RAB11FIP2: variants seen among roughly 807,000 people sequenced by gnomAD.
The protein encoded by RAB11FIP2 is rab11 family-interacting protein 2.
Under a neutral mutation model 40.9 loss-of-function variants are expected in RAB11FIP2, and 16 were observed. That is an observed-to-expected ratio of 0.39 (90% CI 0.26 to 0.59). The LOEUF is 0.59. Among genes scored for constraint, RAB11FIP2 ranks in the 20% least tolerant of loss-of-function variants. The pLI is 0.53. For synonymous variants in RAB11FIP2, 228 were observed against 213.7 expected (o/e 1.07, Z -0.58); for missense variants, 532 against 606.2 (o/e 0.88, Z 1.28).
intron 3 of RAB11FIP2, among the ~76,000 whole-genome samples, chr10:118,026,818 A>G (rs780826389): frequency 2.6e-5 from 4 of 152,216 alleles, no homozygotes; most frequent in Non-Finnish European, 5.9e-5. Context: ...CTTAATACAG[A>G]GAATACTTTT....
rs905639879 is a variant in RAB11FIP2, at chr10:118,005,831, G to C, written c.*3167C>G. The C allele has an allele frequency of 6.6e-6, 1 of 152,382 alleles. No homozygotes were observed. The highest frequency in any genetic ancestry group is 2.1e-4 in the South Asian group (1 of 4,826). 9.4% of individuals were successfully genotyped at this position (152,382 alleles called of 1,614,324 possible). On this transcript the variant is annotated 3_prime_UTR_variant, in exon 5 of 5. Coordinates refer to ENST00000355624, the MANE Select transcript of RAB11FIP2 (RefSeq NM_014904.3). ...GGTAGGCAGGGAGGCGTGGTGGTGA[G>C]GGAGTTGCTGGAGGAATAACAAGAA...
chr10:118,036,097 A>G (rs1237601010), intron 3 of RAB11FIP2, among the ~76,000 whole-genome samples: 4 of 152,136 alleles, frequency 2.6e-5, no homozygotes, highest in Non-Finnish European at 5.9e-5. Flanking sequence ...GTGCCTTAGT[A>G]CATTTTAAAA....
rs1405927478 is a variant in RAB11FIP2, at chr10:118,006,103, G to T, written c.*2895C>A. The T allele has an allele frequency of 6.6e-6, 1 of 152,504 alleles. No individual in the cohort carries two copies. Among genetic ancestry groups the T allele is most frequent in the African/African-American group, 2.4e-5 (1 of 41,398 alleles). The allele number at this position is 152,504 out of a possible 1,614,324, so 9.4% of individuals were successfully genotyped here. A position where few individuals can be genotyped will look rare whatever the true frequency, so the allele number is the denominator to read the frequency against. ...ACTTAAAAACGTTTTTCATGAATGG[G>T]TTACATGTTGTTTTATATACAATTC... On this transcript the variant is annotated 3_prime_UTR_variant, in exon 5 of 5. Transcript: ENST00000355624.
intron 3 of RAB11FIP2, among the ~76,000 whole-genome samples, chr10:118,033,470 ACTT>A (rs1355092648): frequency 1.3e-5 from 2 of 152,088 alleles, no homozygotes; most frequent in East Asian, 3.9e-4. Context: ...TATAGTAATT[ACTT>A]CTTCTATATC....
chr10:118,024,028 T>C (rs1209814494), intron 3 of RAB11FIP2, among the ~76,000 whole-genome samples: 4 of 150,094 alleles, frequency 2.7e-5, no homozygotes, highest in Admixed American at 1.3e-4. Flanking sequence ...AGACGGAGGC[T>C]GCAGTGAGCT....
At position 118,046,199 on chromosome 10, in the gene RAB11FIP2, C is replaced by T. The variant is rs1589650789; in HGVS notation, c.-36G>A. On this transcript the variant is annotated 5_prime_UTR_variant, in exon 1 of 5. The change creates a new upstream start codon in the 5' untranslated region. Transcript: ENST00000355624. Reference sequence around the variant, plus strand: ...TTCTCTGCCCCCGAGTTCCCTAGCACAGGCAGTGCCCCTCCCGGAGGGAGA... The same window carrying T: ...TTCTCTGCCCCCGAGTTCCCTAGCATAGGCAGTGCCCCTCCCGGAGGGAGA... 5 of 1,557,332 alleles carry T rather than the reference C, an allele frequency of 3.2e-6. No homozygotes were observed. The highest frequency in any genetic ancestry group is 3.4e-5 in the Admixed American group (2 of 58,430).
In RAB11FIP2 at chr10:118,046,927, T is replaced by A. The variant is rs910353253; in HGVS notation, c.-764A>T. The A allele has an allele frequency of 6.5e-6, 1 of 153,076 alleles. No homozygotes were observed. Among genetic ancestry groups the A allele is most frequent in the African/African-American group, 2.4e-5 (1 of 41,418 alleles). The allele number at this position is 153,076 out of a possible 1,614,324, so 9.5% of individuals were successfully genotyped here. ...ACTTCCGGGTTGGCCTTCTCCATGT[T>A]GGTCTCGGGAACGTGAAGGGGCGGG... On this transcript the variant is annotated 5_prime_UTR_variant, in exon 1 of 5. Transcript: ENST00000355624.
chr10:118,036,797 A>C (rs1388316096), intron 3 of RAB11FIP2, among the ~76,000 whole-genome samples: 1 of 152,124 alleles, frequency 6.6e-6, no homozygotes, highest in Non-Finnish European at 1.5e-5. Flanking sequence ...TTCATACATC[A>C]TAAAACAGCT....
intron 1 of RAB11FIP2, among the ~76,000 whole-genome samples, chr10:118,041,813 CT>C (rs1377874132): frequency 6.6e-6 from 1 of 152,092 alleles, no homozygotes; most frequent in Non-Finnish European, 1.5e-5. Context: ...TCTTGATTAA[CT>C]AAATTGGAGC....
rs1051976106 is a variant in RAB11FIP2 at position 118,005,750 on chromosome 10, T to C, written c.*3248A>G. On this transcript the variant is annotated 3_prime_UTR_variant, in exon 5 of 5. Coordinates refer to ENST00000355624, the MANE Select transcript of RAB11FIP2 (RefSeq NM_014904.3). ...TACTGTAGATATATTAGACAACAGT[T>C]TTTTGTTTTTTTTTTTAGATTCTCT... is the stretch of plus-strand genomic sequence containing the variant. 2 of 152,262 alleles carry C rather than the reference T, an allele frequency of 1.3e-5. No individual in the cohort carries two copies. Among genetic ancestry groups the C allele is most frequent in the African/African-American group, 4.8e-5 (2 of 41,420 alleles). 9.4% of individuals were successfully genotyped at this position (152,262 alleles called of 1,614,324 possible). A position where few individuals can be genotyped will look rare whatever the true frequency, so the allele number is the denominator to read the frequency against.
At chr10:118,036,052 A>G (rs186240180) in intron 3 of RAB11FIP2, among the ~76,000 whole-genome samples, 170 of 152,158 alleles carry the variant, frequency 1.1e-3, no homozygotes, top group African/African-American at 4.0e-3. Context: ...TTTACTTAAC[A>G]CTAAGGAATA....
chr10:118,016,566 G>A (rs967897763), intron 3 of RAB11FIP2, among the ~76,000 whole-genome samples: 1 of 152,206 alleles, frequency 6.6e-6, no homozygotes. Context: ...GTAGCCAACA[G>A]GGGGTCCAGT....
chr10:118,026,688 T>G (rs775047415), intron 3 of RAB11FIP2, among the ~76,000 whole-genome samples: 4 of 152,210 alleles, frequency 2.6e-5, no homozygotes, highest in Non-Finnish European at 5.9e-5. Flanking sequence ...CATGCCTTAA[T>G]GGAAAGCCAC....
intron 1 of RAB11FIP2, among the ~76,000 whole-genome samples, chr10:118,041,987 A>AT (rs1358113779): frequency 6.6e-6 from 1 of 152,134 alleles, no homozygotes; most frequent in Non-Finnish European, 1.5e-5. Flanking sequence ...AATGACAGCG[A>AT]TTTCTGTGAA....
chr10:118,027,038 A>C (rs1364546809), intron 3 of RAB11FIP2, among the ~76,000 whole-genome samples: 1 of 152,162 alleles, frequency 6.6e-6, no homozygotes, highest in East Asian at 1.9e-4. Context: ...AAAAAATTCC[A>C]CCTAATTTAT....
intron 3 of RAB11FIP2, among the ~76,000 whole-genome samples, chr10:118,027,657 C>G (rs1029504820): frequency 1.3e-5 from 2 of 152,198 alleles, no homozygotes; most frequent in Non-Finnish European, 2.9e-5. Context: ...AGCAAACATA[C>G]TTCCTCAGGA....
intron 3 of RAB11FIP2, among the ~76,000 whole-genome samples, chr10:118,021,495 A>T (rs1380038043): frequency 1.3e-5 from 2 of 152,138 alleles, no homozygotes; most frequent in Admixed American, 1.3e-4. Flanking sequence ...ACTCACTAGG[A>T]CTCGTCGACA....
At chr10:118,043,533 C>T (rs912513324) in intron 1 of RAB11FIP2, 2 of 152,052 alleles carry the variant, frequency 1.3e-5, no homozygotes, top group Non-Finnish European at 2.9e-5. Context: ...TTTCCCCATT[C>T]CTTAAGAGAG....
rs1298950398 is a variant in RAB11FIP2, at chr10:118,006,619, T to C, written c.*2379A>G. On this transcript the variant is annotated 3_prime_UTR_variant, in exon 5 of 5. Coordinates refer to ENST00000355624, the MANE Select transcript of RAB11FIP2 (RefSeq NM_014904.3). ...ATATATTTACTTGGGAACTAATTTT[T>C]ACTTTTTGTTTTTAGTTTTATTATT... is the stretch of plus-strand genomic sequence containing the variant. The C allele has an allele frequency of 6.6e-6, 1 of 152,122 alleles. No individual in the cohort carries two copies. Among genetic ancestry groups the C allele is most frequent in the Non-Finnish European group, 1.5e-5 (1 of 67,944 alleles). The allele number at this position is 152,122 out of a possible 1,614,324, so 9.4% of individuals were successfully genotyped here.
Sources: gnomAD v4.1 joint callset for allele counts (sites outside exome capture counted in the v4.1 genomes callset) on GRCh38, gnomAD v4.1.1 for gene constraint, MANE v1.5 for transcripts, NCBI Gene and HGNC (gene_info 2026-07-23, HGNC 2026-07-21) for gene names.